LAMB1: variants seen among roughly 807,000 people sequenced by gnomAD.
The protein encoded by LAMB1 is laminin subunit beta-1.
LAMB1 carries 121 observed loss-of-function variants against 222.3 expected under a neutral mutation model. That is an observed-to-expected ratio of 0.54 (90% CI 0.47 to 0.63). LAMB1 has a LOEUF of 0.63. LAMB1 is among the 30% of genes least tolerant of loss of function. The probability of loss-of-function intolerance (pLI) is 0.00; values close to 1 mark genes in which losing one functional copy is unlikely to be tolerated. For missense variants in LAMB1, 2,172 were observed against 2,240.8 expected (o/e 0.97, Z 0.62); for synonymous variants, 794 against 807.2 (o/e 0.98, Z 0.28).
chr7:107,971,464 G>C (rs2033747361), intron 13 of LAMB1, among the ~76,000 whole-genome samples: 1 of 152,208 alleles, frequency 6.6e-6, no homozygotes, highest in South Asian at 2.1e-4. Context: ...AGTTGACCCT[G>C]CCTAAGGGGC....
chr7:107,937,093 C>T lies in LAMB1; in HGVS notation c.3946G>A (p.Gly1316Ser). 1.2e-6 allele frequency: 2 copies of T among 1,613,020 alleles called. No homozygotes were observed. The highest frequency in any genetic ancestry group is 2.2e-5 in the South Asian group (2 of 90,912). The change falls in exon 26 of 34, where the codon GGT (glycine) becomes AGT (serine). Residue 1316 changes from glycine (G) to serine (S), a missense_variant and splice_region_variant. Transcript: ENST00000222399. ...LEFIKNSDIR[G>S]ALDSITKYFQ... Reference sequence around the variant, plus strand: ...ACTATTTGCACCAAAAAATGCTCACCCCGAATATCTGAGTTTTTGATAAAT... The same window carrying T: ...ACTATTTGCACCAAAAAATGCTCACTCCGAATATCTGAGTTTTTGATAAAT...
In LAMB1 at chr7:107,935,347, G is replaced by GT. The variant is rs200599445; in HGVS notation, c.4188+67dup. ...GACAAAAGATGGTTTGTTTTTCTTT[G>GT]TTTTTTTTTTTTTTTTTTTTTTTTT... is the stretch of plus-strand genomic sequence containing the variant. On this transcript the variant is annotated intron_variant, in intron 27 of 33. Transcript: ENST00000222399. The GT allele has an allele frequency of 1.7e-3, 1,938 of 1,172,314 alleles. 81 individuals are homozygous for GT. Among genetic ancestry groups the GT allele is most frequent in the African/African-American group, 0.011 (441 of 41,458 alleles). The allele number at this position is 1,172,314 out of a possible 1,614,324, so 72.6% of individuals were successfully genotyped here.
chr7:107,961,519 G>C lies in LAMB1; in HGVS notation c.1985+30C>G, dbSNP rs202041324. The C allele has an allele frequency of 2.5e-6, 4 of 1,601,554 alleles. No individual in the cohort carries two copies. In the Admixed American group the frequency reaches 6.7e-5, roughly 27 times the overall value. The stretch of plus-strand genomic sequence containing the variant: ...AAATACTAATTTGCATATGAAGCCC[G>C]TTGAGCTGCCAAACCACCGTCACAC... On this transcript the variant is annotated intron_variant, in intron 16 of 33. Coordinates refer to ENST00000222399, the MANE Select transcript of LAMB1 (RefSeq NM_002291.3).
At chr7:107,996,074 A>G (rs1180037260) in intron 4 of LAMB1, among the ~76,000 whole-genome samples, 5 of 152,134 alleles carry the variant, frequency 3.3e-5, no homozygotes, top group African/African-American at 9.7e-5. Flanking sequence ...ACAGAACTAC[A>G]CTGGGCATTT....
At chr7:107,970,465 G>A (rs936578085) in intron 13 of LAMB1, among the ~76,000 whole-genome samples, 2 of 125,496 alleles carry the variant, frequency 1.6e-5, no homozygotes, top group Admixed American at 9.2e-5. Flanking sequence ...CTCCAGTCTA[G>A]GTGACAAAGC....
intron 20 of LAMB1, 144 bp from the exon 21 acceptor site, chr7:107,955,774 C>A: frequency 9.4e-6 from 7 of 743,418 alleles, no homozygotes; most frequent in South Asian, 2.7e-5. Context: ...GCTCTGTCAC[C>A]CAGGCTGGAG....
In LAMB1 at chr7:107,962,837, T is replaced by G. The variant is rs59832125; in HGVS notation, c.1857+68A>C. Reference sequence around the variant, plus strand: ...ATTTCATAACTATATATAATACCCATTAGAAGTACTATTTTTCTACTGATT... The same window carrying G: ...ATTTCATAACTATATATAATACCCAGTAGAAGTACTATTTTTCTACTGATT... On this transcript the variant is annotated intron_variant, in intron 15 of 33. Coordinates refer to ENST00000222399, the MANE Select transcript of LAMB1 (RefSeq NM_002291.3). The G allele has an allele frequency of 0.056, 74,832 of 1,331,234 alleles. 2,374 individuals are homozygous for G. Among genetic ancestry groups the G allele is most frequent in the East Asian group, 0.1 (4,519 of 43,400 alleles). The allele number at this position is 1,331,234 out of a possible 1,614,324, so 82.5% of individuals were successfully genotyped here.
chr7:107,928,949 A>C (rs982629526), intron 31 of LAMB1, 115 bp downstream of exon 31: 104 of 1,019,186 alleles, frequency 1.0e-4, no homozygotes, highest in Non-Finnish European at 9.0e-6. Context: ...GATTTATTAA[A>C]GGAATCCTTT....
chr7:107,965,083 T>C (rs1267547657), intron 13 of LAMB1, among the ~76,000 whole-genome samples: 1 of 152,126 alleles, frequency 6.6e-6, no homozygotes, highest in Non-Finnish European at 1.5e-5. Context: ...AACCAACGGA[T>C]CTAAGACAGA....
chr7:107,961,047 T>C (rs2033486888), intron 17 of LAMB1, among the ~76,000 whole-genome samples, 159 bp downstream of exon 17: 1 of 152,060 alleles, frequency 6.6e-6, no homozygotes, highest in Non-Finnish European at 1.5e-5. Flanking sequence ...ATAAATCCTT[T>C]CCATGGGGTG....
chr7:107,951,059 G>C (rs1263067002), intron 24 of LAMB1, 167 bp downstream of exon 24: 1 of 590,418 alleles, frequency 1.7e-6, no homozygotes, highest in African/African-American at 1.9e-5. Context: ...GGCTAGATTT[G>C]TTAGATTGTT....
chr7:107,941,577 T>TA (rs1197075816), intron 24 of LAMB1, among the ~76,000 whole-genome samples: 1 of 151,930 alleles, frequency 6.6e-6, no homozygotes, highest in Admixed American at 6.6e-5. Context: ...GACACTTACA[T>TA]ACCTTCATAA....
At chr7:107,991,754 C>T (rs1183572971) in intron 5 of LAMB1, among the ~76,000 whole-genome samples, 2 of 151,762 alleles carry the variant, frequency 1.3e-5, no homozygotes, top group African/African-American at 4.8e-5. Context: ...ACTAAAAATA[C>T]AAAATTAGCT....
At chr7:107,994,767 T>A in intron 5 of LAMB1, 120 bp downstream of exon 5, 1 of 552,718 alleles carries the variant, frequency 1.8e-6, no homozygotes, top group South Asian at 3.2e-5. Flanking sequence ...TACCCCAATT[T>A]ATGGCAACAA....
intron 28 of LAMB1, chr7:107,931,772 A>G: frequency 2.0e-6 from 1 of 488,404 alleles, no homozygotes; most frequent in South Asian, 2.7e-5. Flanking sequence ...AATAGTCCTG[A>G]GTCTTTTTCT....
At chr7:107,998,202 C>A (rs1035636658) in intron 4 of LAMB1, among the ~76,000 whole-genome samples, 155 bp downstream of exon 4, 1 of 152,126 alleles carries the variant, frequency 6.6e-6, no homozygotes, top group Non-Finnish European at 1.5e-5. Flanking sequence ...TAAGATTTTA[C>A]CAAGAGAAGT....
chr7:107,938,719 AAAACTGTG>A (rs1359605956), intron 25 of LAMB1, among the ~76,000 whole-genome samples: 1 of 152,154 alleles, frequency 6.6e-6, no homozygotes, highest in Non-Finnish European at 1.5e-5. Flanking sequence ...ACGGCCTGCC[AAAACTGTG>A]ATCTCTGCAC....
At position 107,952,020 on chromosome 7, in the gene LAMB1, A is replaced by G; in HGVS notation, c.3283T>C (p.Ser1095Pro). ...NCNAAHSFGP[S>P]CNEFTGQCQC... is the part of the protein sequence containing the mutation. ...CAGCAGCCCCTCACCTCATTGCAAG[A>G]TGGCCCGAAGGAATGAGCAGCATTG... Residue 1095 changes from serine to proline, a missense_variant, in exon 23 of 34, where the codon TCT (serine) becomes CCT (proline). Transcript: ENST00000222399. The G allele has an allele frequency of 6.2e-7, 1 of 1,610,834 alleles. No individual in the cohort carries two copies.
intron 20 of LAMB1, 71 bp from the exon 21 acceptor site, chr7:107,955,701 G>C: frequency 7.0e-7 from 1 of 1,421,752 alleles, no homozygotes; most frequent in Non-Finnish European, 9.5e-7. Flanking sequence ...GGAAAGTCTT[G>C]AAAACTGTTC....
Sources: gnomAD v4.1 joint callset for allele counts (sites outside exome capture counted in the v4.1 genomes callset) on GRCh38, gnomAD v4.1.1 for gene constraint, MANE v1.5 for transcripts, NCBI Gene and HGNC (gene_info 2026-07-23, HGNC 2026-07-21) for gene names.